Variants in ERBB4 observed in about 807,000 individuals in gnomAD.
ERBB4 encodes receptor tyrosine-protein kinase erbB-4.
A neutral mutation model predicts 158.0 loss-of-function variants in ERBB4; 42 were observed. That is an observed-to-expected ratio of 0.27 (90% CI 0.21 to 0.34). ERBB4 has a LOEUF of 0.34. Ranked by LOEUF, ERBB4 falls within the 10% of genes least tolerant of loss-of-function variation. The probability of loss-of-function intolerance (pLI) is 1.00; values close to 1 mark genes in which losing one functional copy is unlikely to be tolerated. For missense variants in ERBB4, 1,333 were observed against 1,624.1 expected (o/e 0.82, Z 3.08); for synonymous variants, 583 against 558.7 (o/e 1.04, Z -0.61).
At chr2:211,551,549 A>G (rs2067097887) in intron 20 of ERBB4, among the ~76,000 whole-genome samples, 1 of 152,210 alleles carries the variant, frequency 6.6e-6, no homozygotes, top group Non-Finnish European at 1.5e-5. Flanking sequence ...ACAAACTTCC[A>G]AACAGTATTA....
chr2:212,394,502 C>T (rs2135156), intron 1 of ERBB4, among the ~76,000 whole-genome samples: 86,884 of 151,846 alleles, frequency 0.57, 26,075 homozygotes, highest in African/African-American at 0.74. Context: ...TTCCTGTTAT[C>T]ATTCTATCAA....
intron 2 of ERBB4, among the ~76,000 whole-genome samples, chr2:212,033,565 T>C (rs1464909138): frequency 6.6e-6 from 1 of 151,890 alleles, no homozygotes; most frequent in East Asian, 1.9e-4. Flanking sequence ...TTAAAATTTA[T>C]AAAGTAACTG....
rs868365421 is a variant in ERBB4 at position 212,437,327 on chromosome 2, C to T, written c.82+101122G>A. ...CCTGCTCTCAAACTAAAGGATTTCA[C>T]ATTAATGGTAAAGTTCTCAGCTGGA... On this transcript the variant is annotated intron_variant, in intron 1 of 27. Transcript: ENST00000342788. Among the ~76,000 whole-genome samples, 8 of 152,094 alleles carry T rather than the reference C, an allele frequency of 5.3e-5. No individual in the cohort carries two copies. In the South Asian group the frequency reaches 6.2e-4, roughly 12 times the overall value.
chr2:211,613,529 A>G (rs998265352), intron 19 of ERBB4, among the ~76,000 whole-genome samples: 4 of 152,092 alleles, frequency 2.6e-5, no homozygotes, highest in South Asian at 2.1e-4. Context: ...ACAAGGGTTT[A>G]ATAACCAGAA....
At chr2:212,434,983 C>G (rs76082431) in intron 1 of ERBB4, among the ~76,000 whole-genome samples, 3,112 of 152,042 alleles carry the variant, frequency 0.02, 37 homozygotes, top group South Asian at 0.036. Context: ...TGAAGCTGAA[C>G]TCAAGCTTTT....
chr2:212,104,902 C>G (rs1189642911), intron 2 of ERBB4, among the ~76,000 whole-genome samples: 1 of 152,248 alleles, frequency 6.6e-6, no homozygotes, highest in African/African-American at 2.4e-5. Context: ...CATTTGACCC[C>G]TTGTGGGTGT....
At chr2:211,718,128 T>A (rs1390785413) in intron 7 of ERBB4, among the ~76,000 whole-genome samples, 1 of 152,086 alleles carries the variant, frequency 6.6e-6, no homozygotes, top group East Asian at 1.9e-4. Flanking sequence ...GCCAGGCTGG[T>A]CTCAAACTCC....
At position 212,003,189 on chromosome 2, in the gene ERBB4, GAAAGAAAGAAAGAAAGACA is replaced by G. The variant is rs1559293276; in HGVS notation, c.235-55592_235-55574del. On this transcript the variant is annotated intron_variant, in intron 2 of 27. Coordinates refer to ENST00000342788, the MANE Select transcript of ERBB4 (RefSeq NM_005235.3). ...AGAAAGAAAGAAAGAAAGAAAGAAA[GAAAGAAAGAAAGAAAGACA>G]GAAAGAAGGAAGGAAGGAAGGAAGG... Among the ~76,000 whole-genome samples the G allele has an allele frequency of 5.0e-3, 339 of 68,058 alleles. 21 individuals carry two copies. Among genetic ancestry groups the G allele is most frequent in the Non-Finnish European group, 9.3e-3 (263 of 28,264 alleles). The allele number at this position is 68,058 out of a possible 152,430, so 44.6% of individuals were successfully genotyped here.
chr2:212,091,854 A>C (rs1374600637), intron 2 of ERBB4, among the ~76,000 whole-genome samples: 3 of 152,190 alleles, frequency 2.0e-5, no homozygotes, highest in Non-Finnish European at 4.4e-5. Flanking sequence ...ACATATCTTT[A>C]AAGTTTATAA....
At chr2:212,403,595 T>C (rs2091268086) in intron 1 of ERBB4, among the ~76,000 whole-genome samples, 1 of 151,976 alleles carries the variant, frequency 6.6e-6, no homozygotes, top group East Asian at 1.9e-4. Flanking sequence ...AGAATGAACA[T>C]TGAGGACATT....
intron 22 of ERBB4, 108 bp downstream of exon 22, chr2:211,428,300 A>G: frequency 3.2e-6 from 2 of 617,170 alleles, no homozygotes. Flanking sequence ...AGGCTTATCA[A>G]TAGGTATTTA....
chr2:211,519,200 A>G (rs1056696142), intron 20 of ERBB4, among the ~76,000 whole-genome samples: 2 of 152,174 alleles, frequency 1.3e-5, no homozygotes, highest in Non-Finnish European at 2.9e-5. Flanking sequence ...ATAAATTTAG[A>G]AAGTTTTAAT....
At chr2:212,282,497 T>G (rs773763685) in intron 1 of ERBB4, among the ~76,000 whole-genome samples, 15 of 151,954 alleles carry the variant, frequency 9.9e-5, no homozygotes, top group Non-Finnish European at 8.8e-5. Context: ...TCGACTTGTA[T>G]GAAGTAACCC....
At position 212,298,201 on chromosome 2, in the gene ERBB4, T is replaced by C. The variant is rs1161949573; in HGVS notation, c.83-173298A>G. Among the ~76,000 whole-genome samples, 4 of 151,788 alleles carry C rather than the reference T, an allele frequency of 2.6e-5. No individual in the cohort carries two copies. The Admixed American group carries it at 2.6e-4, about 10-fold the overall frequency. On this transcript the variant is annotated intron_variant, in intron 1 of 27. Coordinates refer to ENST00000342788, the MANE Select transcript of ERBB4 (RefSeq NM_005235.3). ...ATTGTCACTTTTCATTAATGTTCTT[T>C]TATGCTGCTTGAAGATCAATCATAT...
intron 1 of ERBB4, among the ~76,000 whole-genome samples, chr2:212,518,012 G>A (rs113639226): frequency 0.012 from 1,751 of 152,048 alleles, 28 homozygotes; most frequent in African/African-American, 0.04. Context: ...TCTAATATAG[G>A]AAAACTTAGA....
chr2:211,929,329 T>C (rs2080109535), intron 3 of ERBB4, among the ~76,000 whole-genome samples: 3 of 152,064 alleles, frequency 2.0e-5, no homozygotes, highest in Admixed American at 1.3e-4. Context: ...ATTACTCTTT[T>C]ACTCTTTCTC....
intron 3 of ERBB4, among the ~76,000 whole-genome samples, chr2:211,808,166 A>G (rs2105907716): frequency 6.6e-6 from 1 of 152,170 alleles, no homozygotes; most frequent in South Asian, 2.1e-4. Flanking sequence ...CTTTATTGCC[A>G]TTGTTTTTGG....
At chr2:212,194,291 T>TAC (rs5838307) in intron 1 of ERBB4, among the ~76,000 whole-genome samples, 57,467 of 148,656 alleles carry the variant, frequency 0.39, 11,143 homozygotes, top group East Asian at 0.64. Flanking sequence ...AAATAGTTTA[T>TAC]ACACACACAC....
At chr2:211,746,924 G>A (rs13030667) in intron 5 of ERBB4, among the ~76,000 whole-genome samples, 90,164 of 151,590 alleles carry the variant, frequency 0.59, 27,122 homozygotes, top group South Asian at 0.68. Flanking sequence ...GGACCTCACG[G>A]AACCCAGAGA....
Sources: gnomAD v4.1 joint callset for allele counts (sites outside exome capture counted in the v4.1 genomes callset) on GRCh38, gnomAD v4.1.1 for gene constraint, MANE v1.5 for transcripts, NCBI Gene and HGNC (gene_info 2026-07-23, HGNC 2026-07-21) for gene names.